Variants in SCFD2 observed in about 807,000 individuals in gnomAD.
SCFD2 encodes sec1 family domain containing 2, also known as sec1 family domain-containing protein 2.
Under a neutral mutation model 58.9 loss-of-function variants are expected in SCFD2, and 54 were observed. The ratio of observed to expected loss-of-function variants is 0.92; its 90% CI spans 0.74 to 1.15. The LOEUF (loss-of-function observed/expected upper bound fraction) is 1.15. Among genes scored for constraint, SCFD2 ranks in the 50% most tolerant of loss-of-function variants. The probability of loss-of-function intolerance (pLI) is 0.00; values close to 1 mark genes in which losing one functional copy is unlikely to be tolerated. For missense variants in SCFD2, 805 were observed against 836.6 expected, an observed-to-expected ratio of 0.96 and a Z score of 0.47; for synonymous variants, 321 against 335.9, an observed-to-expected ratio of 0.96 and a Z score of 0.49.
chr4:53,060,940 T>G (rs1432504381), intron 5 of SCFD2, among the ~76,000 whole-genome samples: 1 of 152,180 alleles, frequency 6.6e-6, no homozygotes, highest in Admixed American at 6.5e-5. Flanking sequence ...TCGTAACACC[T>G]ACAGTGAATT....
At chr4:52,954,318 A>G (rs1013073540) in intron 5 of SCFD2, among the ~76,000 whole-genome samples, 1 of 151,962 alleles carries the variant, frequency 6.6e-6, no homozygotes, top group African/African-American at 2.4e-5. Context: ...TTCTTCTATC[A>G]AGTATGTCTT....
intron 4 of SCFD2, among the ~76,000 whole-genome samples, chr4:53,235,116 A>G (rs1250230841): frequency 6.6e-6 from 1 of 152,246 alleles, no homozygotes; most frequent in African/African-American, 2.4e-5. Context: ...CTGCCCTTTA[A>G]ATGCACAGCC....
At chr4:52,925,616 A>G (rs906016593) in intron 5 of SCFD2, among the ~76,000 whole-genome samples, 3 of 152,136 alleles carry the variant, frequency 2.0e-5, no homozygotes, top group African/African-American at 7.2e-5. Context: ...GTTACTTCTA[A>G]TAAGCCCCTG....
chr4:52,920,664 T>C lies in SCFD2; in HGVS notation c.1707+61A>G, dbSNP rs139325214. ...GGTTAAAAGGGAACCTTTTCTTCTATAGACTCTGAATCCTAGAAGTACAAC... is the reference window on the plus strand; with the variant it reads ...GGTTAAAAGGGAACCTTTTCTTCTACAGACTCTGAATCCTAGAAGTACAAC... On this transcript the variant is annotated intron_variant, in intron 6 of 8. Coordinates refer to ENST00000401642, the MANE Select transcript of SCFD2 (RefSeq NM_152540.4). 7.2e-6 allele frequency: 9 copies of C among 1,249,320 alleles called. 1 individual carries two copies. Among genetic ancestry groups the C allele is most frequent in the Middle Eastern group, 2.0e-4 (1 of 5,024 alleles). 77.4% of individuals were successfully genotyped at this position (1,249,320 alleles called of 1,614,324 possible).
chr4:53,078,054 G>A (rs1479883509), intron 5 of SCFD2, among the ~76,000 whole-genome samples: 5 of 152,086 alleles, frequency 3.3e-5, no homozygotes, highest in Non-Finnish European at 2.9e-5. Context: ...TTGATTTTTC[G>A]AAATCCTCTG....
At chr4:52,952,728 C>T (rs963700686) in intron 5 of SCFD2, among the ~76,000 whole-genome samples, 34 of 152,252 alleles carry the variant, frequency 2.2e-4, no homozygotes, top group African/African-American at 8.2e-4. Flanking sequence ...GAAAGGTTTA[C>T]AGCATTACAA....
intron 3 of SCFD2, among the ~76,000 whole-genome samples, chr4:53,302,817 C>T (rs1327334290): frequency 6.6e-6 from 1 of 152,198 alleles, no homozygotes; most frequent in Non-Finnish European, 1.5e-5. Context: ...ACTATCTGTT[C>T]TTTGACAAAC....
At chr4:53,234,809 A>G (rs1729545557) in intron 4 of SCFD2, among the ~76,000 whole-genome samples, 1 of 152,226 alleles carries the variant, frequency 6.6e-6, no homozygotes, top group South Asian at 2.1e-4. Context: ...GAATATTGCA[A>G]CAAAAGGTGA....
intron 1 of SCFD2, among the ~76,000 whole-genome samples, chr4:53,359,725 A>C (rs1288067560): frequency 6.6e-6 from 1 of 152,222 alleles, no homozygotes; most frequent in Non-Finnish European, 1.5e-5. Flanking sequence ...GCTGATAGTC[A>C]TGAGCTTCCC....
intron 5 of SCFD2, among the ~76,000 whole-genome samples, chr4:53,008,598 G>A (rs989125299): frequency 2.6e-5 from 4 of 152,150 alleles, no homozygotes; most frequent in African/African-American, 7.2e-5. Context: ...AGTGAGGTGG[G>A]GAAGAGAAAG....
chr4:53,364,606 A>T (rs984428733), intron 1 of SCFD2, among the ~76,000 whole-genome samples: 2 of 152,230 alleles, frequency 1.3e-5, no homozygotes, highest in Non-Finnish European at 2.9e-5. Flanking sequence ...TACTAGTAAC[A>T]TTTAAGTTCA....
At chr4:52,966,577 T>C (rs1720967408) in intron 5 of SCFD2, among the ~76,000 whole-genome samples, 1 of 152,204 alleles carries the variant, frequency 6.6e-6, no homozygotes, top group Non-Finnish European at 1.5e-5. Flanking sequence ...CTTTATCTGG[T>C]TCTTCCCATC....
intron 5 of SCFD2, among the ~76,000 whole-genome samples, chr4:52,985,382 C>T (rs1721465568): frequency 6.6e-6 from 1 of 152,040 alleles, no homozygotes; most frequent in South Asian, 2.1e-4. Context: ...ATGCTTAGCT[C>T]CTTATTTATT....
At position 52,943,616 on chromosome 4, in the gene SCFD2, G is replaced by C. The variant is rs1310142710; in HGVS notation, c.1562-22746C>G. On this transcript the variant is annotated intron_variant, in intron 5 of 8. Transcript: ENST00000401642. ...CAAGAGAAAACCAACCCCCTCCATA[G>C]AGCCCCTTTATAAGGGCACTTAATC... Among the ~76,000 whole-genome samples, 5 of 152,048 alleles carry C rather than the reference G, an allele frequency of 3.3e-5. No homozygotes were observed. In the South Asian group the frequency reaches 8.3e-4, roughly 25 times the overall value.
rs190107457 is a variant in SCFD2 at position 53,355,670 on chromosome 4, C to T, written c.839-2904G>A. Among the ~76,000 whole-genome samples, 8 of 152,258 alleles carry T rather than the reference C, an allele frequency of 5.3e-5. No individual in the cohort carries two copies. In the East Asian group the frequency reaches 1.4e-3, roughly 26 times the overall value. On this transcript the variant is annotated intron_variant, in intron 1 of 8. Coordinates refer to ENST00000401642, the MANE Select transcript of SCFD2 (RefSeq NM_152540.4). The stretch of plus-strand genomic sequence containing the variant: ...TATACTTTGGCTATTATTCTAAATC[C>T]TTATTTTAACCTACAAAGCATTCCC...
At chr4:53,030,568 G>A (rs752078384) in intron 5 of SCFD2, among the ~76,000 whole-genome samples, 37 of 151,996 alleles carry the variant, frequency 2.4e-4, no homozygotes, top group Non-Finnish European at 4.7e-4. Context: ...GACTACAGAC[G>A]CATGCCACCA....
intron 5 of SCFD2, among the ~76,000 whole-genome samples, chr4:52,933,391 A>G (rs1720049490): frequency 6.6e-6 from 1 of 152,230 alleles, no homozygotes; most frequent in South Asian, 2.1e-4. Context: ...CATTGTCTAC[A>G]GGGAGATTTA....
intron 5 of SCFD2, among the ~76,000 whole-genome samples, chr4:52,963,227 G>A (rs571781285): frequency 2.6e-5 from 4 of 152,150 alleles, no homozygotes; most frequent in African/African-American, 9.7e-5. Flanking sequence ...AGAATGCCCT[G>A]ATCAATTATT....
At chr4:53,347,411 T>C (rs910347273) in intron 2 of SCFD2, among the ~76,000 whole-genome samples, 4 of 152,184 alleles carry the variant, frequency 2.6e-5, no homozygotes, top group African/African-American at 9.7e-5. Flanking sequence ...TAAATATCCC[T>C]GCTCTCGTGG....
Sources: gnomAD v4.1 joint callset for allele counts (sites outside exome capture counted in the v4.1 genomes callset) on GRCh38, gnomAD v4.1.1 for gene constraint, MANE v1.5 for transcripts, NCBI Gene and HGNC (gene_info 2026-07-23, HGNC 2026-07-21) for gene names.